Variants in MELK observed in about 807,000 individuals in gnomAD.
The protein encoded by MELK is maternal embryonic leucine zipper kinase, also known as pEg3 kinase.
Under a neutral mutation model 85.0 loss-of-function variants are expected in MELK, and 81 were observed. The ratio of observed to expected loss-of-function variants is 0.95; its 90% confidence interval spans 0.80 to 1.15. The LOEUF (loss-of-function observed/expected upper bound fraction) is 1.15, where lower values mean the gene tolerates loss of function less well. Among genes scored for constraint, MELK ranks in the 50% most tolerant of loss-of-function variants. MELK has a pLI of 0.00. For synonymous variants in MELK, 252 were observed against 265.0 expected (o/e 0.95, Z 0.48); for missense variants, 754 against 777.5 (o/e 0.97, Z 0.36).
chr9:36,594,526 G>A (rs1823974928), intron 4 of MELK, 102 bp from the exon 5 acceptor site: 4 of 1,369,012 alleles, frequency 2.9e-6, no homozygotes, highest in African/African-American at 2.9e-5. Flanking sequence ...CTATAAAGTC[G>A]AATTAATAAT....
intron 4 of MELK, among the ~76,000 whole-genome samples, chr9:36,592,552 G>C (rs933820948): frequency 2.6e-4 from 39 of 151,946 alleles, no homozygotes; most frequent in African/African-American, 9.2e-4. Context: ...TATTTTATAC[G>C]TATGTGTATT....
chr9:36,675,613 C>G (rs1833276668), intron 17 of MELK, among the ~76,000 whole-genome samples: 1 of 152,096 alleles, frequency 6.6e-6, no homozygotes, highest in African/African-American at 2.4e-5. Flanking sequence ...CTCTTCATGA[C>G]TGGCTGTTTT....
At chr9:36,587,059 C>T (rs1822988533) in intron 3 of MELK, among the ~76,000 whole-genome samples, 1 of 151,984 alleles carries the variant, frequency 6.6e-6, no homozygotes, top group South Asian at 2.1e-4. Context: ...CCGTGTTAGC[C>T]AGGATGGTCT....
At position 36,677,334 on chromosome 9, in the gene MELK, ATAATTGATGGAT is replaced by A; in HGVS notation, c.1955_*10del. The stretch of plus-strand genomic sequence containing the variant: ...AAGACATCCTATCTAGCTGCAAGGT[ATAATTGATGGAT>A]TCTTCCATCCTGCCGGATGAGTGTG... On this transcript the variant is annotated stop_lost and 3_prime_UTR_variant, in exon 18 of 18. Coordinates refer to ENST00000298048, the MANE Select transcript of MELK (RefSeq NM_014791.4). 6.2e-7 allele frequency: 1 copy of A among 1,610,704 alleles called. No homozygotes were observed. The highest frequency in any genetic ancestry group is 8.5e-7 in the Non-Finnish European group (1 of 1,177,978).
chr9:36,626,489 T>C (rs1827939215), intron 8 of MELK, among the ~76,000 whole-genome samples: 1 of 152,204 alleles, frequency 6.6e-6, no homozygotes, highest in Non-Finnish European at 1.5e-5. Flanking sequence ...CGTTTTTAGA[T>C]AAATGCACAC....
At position 36,596,668 on chromosome 9, in the gene MELK, C is replaced by T. The variant is rs1430875707; in HGVS notation, c.406-554C>T. 2.0e-5 allele frequency among the ~76,000 whole-genome samples: 3 copies of T among 150,006 alleles called. No homozygotes were observed. The East Asian group carries it at 6.0e-4, about 30-fold the overall frequency. ...ATGGCACTGTCTCGGCTCACCCCAA[C>T]CCCCGCCTCCCGGGCTCAAGCAGTT... On this transcript the variant is annotated intron_variant, in intron 5 of 17. Coordinates refer to ENST00000298048, the MANE Select transcript of MELK (RefSeq NM_014791.4).
chr9:36,674,985 C>T (rs1344073178), intron 17 of MELK, 48 bp downstream of exon 17: 2 of 1,423,056 alleles, frequency 1.4e-6, no homozygotes, highest in Non-Finnish European at 2.0e-6. Context: ...ATCTTTTGGA[C>T]TTTGAGAAAA....
At chr9:36,594,807 A>G (rs1234168414) in intron 5 of MELK, 36 bp downstream of exon 5, 2 of 1,587,620 alleles carry the variant, frequency 1.3e-6, no homozygotes, top group African/African-American at 1.3e-5. Context: ...GCTCACCTTC[A>G]GCGTCATTTA....
intron 8 of MELK, among the ~76,000 whole-genome samples, chr9:36,616,823 G>GTTTTTT (rs11325318): frequency 8.1e-6 from 1 of 124,038 alleles, no homozygotes; most frequent in Non-Finnish European, 1.7e-5. Flanking sequence ...CCCCTTCCCA[G>GTTTTTT]TTTTTTTTTT....
chr9:36,676,252 A>T lies in MELK; in HGVS notation c.1779-908A>T, dbSNP rs192710759. On this transcript the variant is annotated intron_variant, in intron 17 of 17. Transcript: ENST00000298048. ...GAATATTTTGGTACATAACAGTATG[A>T]AACAGAAAAAAGTACATAACTGAAA... Among the ~76,000 whole-genome samples the T allele has an allele frequency of 1.0e-3, 156 of 152,340 alleles. 1 individual carries two copies. The highest frequency in any genetic ancestry group is 2.0e-3 in the Non-Finnish European group (133 of 68,030).
At position 36,633,121 on chromosome 9, in the gene MELK, T is replaced by A. The variant is rs1047692436; in HGVS notation, c.755T>A (p.Ile252Asn). 2.1e-5 allele frequency: 34 copies of A among 1,609,316 alleles called. No homozygotes were observed. Among genetic ancestry groups the A allele is most frequent in the Non-Finnish European group, 2.6e-5 (31 of 1,178,990 alleles). Residue 252 changes from isoleucine (I) to asparagine (N), a missense_variant, in exon 10 of 18, where the codon ATT (isoleucine) becomes AAT (asparagine). Ile to Asn is a moderately radical substitution (Grantham distance 149, BLOSUM62 -3). Coordinates refer to ENST00000298048, the MANE Select transcript of MELK (RefSeq NM_014791.4). ...QMLQVDPKKR[I>N]SMKNLLNHPW... Reference sequence around the variant, plus strand: ...CACTAGGTGGACCCAAAGAAACGGATTTCTATGAAAAATCTATTGAACCAT... The same window carrying A: ...CACTAGGTGGACCCAAAGAAACGGAATTCTATGAAAAATCTATTGAACCAT...
rs979488661 is a variant in MELK at position 36,677,425 on chromosome 9, A to G, written c.*88A>G. The G allele has an allele frequency of 1.5e-5, 19 of 1,236,878 alleles. No homozygotes were observed. The highest frequency in any genetic ancestry group is 1.7e-5 in the Non-Finnish European group (16 of 924,572). The allele number at this position is 1,236,878 out of a possible 1,614,324, so 76.6% of individuals were successfully genotyped here. A position where few individuals can be genotyped will look rare whatever the true frequency, so the allele number is the denominator to read the frequency against. The stretch of plus-strand genomic sequence containing the variant: ...TATGATCGCTTTGATTTTAAAGTTC[A>G]TTGGAACTACCAACTTGTTTCTAAA... On this transcript the variant is annotated 3_prime_UTR_variant, in exon 18 of 18. Transcript: ENST00000298048.
At chr9:36,620,990 G>C (rs904452840) in intron 8 of MELK, among the ~76,000 whole-genome samples, 5 of 151,674 alleles carry the variant, frequency 3.3e-5, no homozygotes, top group African/African-American at 1.2e-4. Context: ...CTGAATAGAG[G>C]CTGGGCGCAG....
At chr9:36,605,953 TAAA>T (rs554431255) in intron 7 of MELK, among the ~76,000 whole-genome samples, 7 of 128,400 alleles carry the variant, frequency 5.5e-5, no homozygotes, top group Non-Finnish European at 5.0e-5. Flanking sequence ...ACCCTGTCTC[TAAA>T]AAAAAAAAAA....
At chr9:36,605,115 C>T (rs1372229157) in intron 7 of MELK, among the ~76,000 whole-genome samples, 2 of 152,108 alleles carry the variant, frequency 1.3e-5, no homozygotes, top group African/African-American at 4.8e-5. Flanking sequence ...TGGTCTTGAA[C>T]TCCCTACTTC....
chr9:36,627,856 A>G (rs931111780), intron 8 of MELK, among the ~76,000 whole-genome samples: 2 of 151,462 alleles, frequency 1.3e-5, no homozygotes, highest in East Asian at 1.9e-4. Context: ...ATCCCTTGCC[A>G]GGGCACCTTA....
At position 36,597,271 on chromosome 9, in the gene MELK, G is replaced by T; in HGVS notation, c.455G>T (p.Gly152Val). Residue 152 changes from glycine to valine, a missense_variant, in exon 6 of 18, where the codon GGT (glycine) becomes GTT (valine). Transcript: ENST00000298048. ...CATAAATTAAAGCTGATTGACTTTG[G>T]TCTCTGTGCAAAACCCAAGGTAAGT... ...EYHKLKLIDF[G>V]LCAKPKGNKD... 1 of 1,613,660 alleles carries T rather than the reference G, an allele frequency of 6.2e-7. No individual in the cohort carries two copies. The highest frequency in any genetic ancestry group is 1.1e-5 in the South Asian group (1 of 91,008).
intron 8 of MELK, among the ~76,000 whole-genome samples, chr9:36,610,968 C>T (rs1230773062): frequency 2.6e-5 from 4 of 152,090 alleles, no homozygotes; most frequent in African/African-American, 7.2e-5. Context: ...TTGAAATGCT[C>T]CAAAATTTGA....
At position 36,657,355 on chromosome 9, in the gene MELK, A is replaced by C; in HGVS notation, c.1168A>C (p.Thr390Pro). 1 of 1,607,204 alleles carries C rather than the reference A, an allele frequency of 6.2e-7. No homozygotes were observed. The highest frequency in any genetic ancestry group is 2.2e-5 in the East Asian group (1 of 44,774). The change falls in exon 13 of 18, where the codon ACA (threonine) becomes CCA (proline). Residue 390 changes from threonine to proline, a missense_variant. Transcript: ENST00000298048. ...DLSTGAATPR[T>P]SQFTKYWTES... ...ATCAACAGGTGCTGCTACTCCCCGAACATCACAGGTTCGTCATTCTTATTA... is the reference window on the plus strand; with the variant it reads ...ATCAACAGGTGCTGCTACTCCCCGACCATCACAGGTTCGTCATTCTTATTA...
Sources: gnomAD v4.1 joint callset for allele counts (sites outside exome capture counted in the v4.1 genomes callset) on GRCh38, gnomAD v4.1.1 for gene constraint, MANE v1.5 for transcripts, NCBI Gene and HGNC (gene_info 2026-07-23, HGNC 2026-07-21) for gene names.